The following CNOT10 variants were observed in gnomAD, a reference collection of about 807,000 sequenced individuals.
The protein encoded by CNOT10 is CCR4-NOT transcription complex subunit 10.
In CNOT10, 30 loss-of-function variants were observed where a neutral mutation model predicts 94.6. The ratio of observed to expected loss-of-function variants is 0.32; its 90% CI spans 0.24 to 0.43. The LOEUF is 0.43. Among genes scored for constraint, CNOT10 ranks in the 20% least tolerant of loss-of-function variants. The pLI, the probability that CNOT10 is intolerant of heterozygous loss-of-function variation, is 1.00. For synonymous variants in CNOT10, 289 were observed against 301.6 expected, an observed-to-expected ratio of 0.96 and a Z score of 0.43; for missense variants, 759 against 877.2, an observed-to-expected ratio of 0.87 and a Z score of 1.70.
intron 9 of CNOT10, 23 bp from the exon 10 acceptor site, chr3:32,727,645 T>C (rs1164537507): frequency 6.9e-7 from 1 of 1,439,094 alleles, no homozygotes; most frequent in South Asian, 1.1e-5. Flanking sequence ...AATGATGTAT[T>C]CTTATCTAAT....
intron 13 of CNOT10, among the ~76,000 whole-genome samples, chr3:32,754,855 G>T (rs1333199283): frequency 1.3e-5 from 2 of 149,658 alleles, no homozygotes; most frequent in African/African-American, 4.9e-5. Context: ...GCTACTCTGG[G>T]CATACTGCCT....
Position 32,716,280 on chromosome 3 carries a change from T to C in CNOT10, c.629T>C (p.Leu210Pro), listed in dbSNP as rs1417260176. Residue 210 changes from leucine (L) to proline (P), a missense_variant, in exon 6 of 19, where the codon CTA becomes CCA. Physicochemically the swap from Leu to Pro is moderately conservative, Grantham distance 98. This residue lies in a region of CNOT10 where 682 missense variants were observed against 799.4 expected (regional missense o/e 0.85). Coordinates refer to ENST00000328834, the MANE Select transcript of CNOT10 (RefSeq NM_015442.3). ...AATCATAAAGCTGAAAGTGGAGCTC[T>C]AATAGAAGCTGCAAAATCAAAGATA... ...GSNHKAESGA[L>P]IEAAKSKIHQ... 6.2e-7 allele frequency: 1 copy of C among 1,602,888 alleles called. No individual in the cohort carries two copies. The highest frequency in any genetic ancestry group is 8.5e-7 in the Non-Finnish European group (1 of 1,173,210).
chr3:32,758,830 C>T (rs6785966), intron 13 of CNOT10, among the ~76,000 whole-genome samples: 8,884 of 152,190 alleles, frequency 0.058, 283 homozygotes, highest in Middle Eastern at 0.088. Flanking sequence ...GTAACTTAAA[C>T]GTTGTCTTCA....
At chr3:32,757,378 C>T (rs536522874) in intron 13 of CNOT10, among the ~76,000 whole-genome samples, 4 of 151,862 alleles carry the variant, frequency 2.6e-5, no homozygotes, top group African/African-American at 7.2e-5. Flanking sequence ...GGGGTTTCTC[C>T]ATGTTGGTCA....
chr3:32,693,698 C>T (rs572277807), intron 1 of CNOT10, among the ~76,000 whole-genome samples: 5 of 151,908 alleles, frequency 3.3e-5, no homozygotes, highest in African/African-American at 9.7e-5. Context: ...TGCGCCACCA[C>T]GCCTGGCTAA....
chr3:32,713,569 C>CA (rs1697982212), intron 5 of CNOT10, among the ~76,000 whole-genome samples, 200 bp downstream of exon 5: 1 of 152,132 alleles, frequency 6.6e-6, no homozygotes. Context: ...TGAGTGTACT[C>CA]ACATTTGTAC....
At chr3:32,730,649 T>C (rs756836580) in intron 10 of CNOT10, 2 of 152,226 alleles carry the variant, frequency 1.3e-5, no homozygotes, top group Non-Finnish European at 2.9e-5. Context: ...ATAAAATTTG[T>C]TTTATTTAGT....
At chr3:32,752,539 T>C (rs940924574) in intron 13 of CNOT10, among the ~76,000 whole-genome samples, 2 of 152,246 alleles carry the variant, frequency 1.3e-5, no homozygotes, top group African/African-American at 4.8e-5. Context: ...AAAACTTCTT[T>C]AGCTTTTTGT....
intron 3 of CNOT10, among the ~76,000 whole-genome samples, chr3:32,706,925 T>C (rs550402246): frequency 6.6e-6 from 1 of 152,380 alleles, no homozygotes; most frequent in South Asian, 2.1e-4. Context: ...CATGTCAAGC[T>C]TAACCACGTG....
At chr3:32,719,745 A>G (rs1698286408) in intron 7 of CNOT10, among the ~76,000 whole-genome samples, 1 of 152,206 alleles carries the variant, frequency 6.6e-6, no homozygotes, top group Non-Finnish European at 1.5e-5. Context: ...AAAAAGTAAG[A>G]AAGATCACCA....
chr3:32,751,953 C>T lies in CNOT10; in HGVS notation c.1596-7505C>T, dbSNP rs890775595. On this transcript the variant is annotated intron_variant, in intron 13 of 18. Transcript: ENST00000328834. ...GATTCACATCTGCCTCCAAGGATCT[C>T]ATTTAGATGAACTGGTGATCAGATT... Among the ~76,000 whole-genome samples, 20 of 152,094 alleles carry T rather than the reference C, an allele frequency of 1.3e-4. 1 individual carries two copies. The highest frequency in any genetic ancestry group is 1.2e-3 in the Admixed American group (18 of 15,252).
chr3:32,769,136 A>G lies in CNOT10; in HGVS notation c.2005-751A>G, dbSNP rs1371317145. On this transcript the variant is annotated intron_variant, in intron 17 of 18. Transcript: ENST00000328834. ...GTTCAATAAGTATTTGTAGAAGTCT[A>G]TTATCTGATTAGATTAAGAGAAGAG... 3 of 152,266 alleles carry G rather than the reference A, an allele frequency of 2.0e-5. No homozygotes were observed. The East Asian group carries it at 5.8e-4, about 29-fold the overall frequency. The allele number at this position is 152,266 out of a possible 1,614,324, so 9.4% of individuals were successfully genotyped here.
intron 1 of CNOT10, among the ~76,000 whole-genome samples, chr3:32,694,211 T>TGGAGATCTCCA (rs1696961557): frequency 6.6e-6 from 1 of 151,986 alleles, no homozygotes; most frequent in South Asian, 2.1e-4. Context: ...AGTAACAAAC[T>TGGAGATCTCCA]GTAGAAATGA....
intron 13 of CNOT10, among the ~76,000 whole-genome samples, chr3:32,752,398 A>G (rs1700002966): frequency 6.6e-6 from 1 of 152,154 alleles, no homozygotes; most frequent in Non-Finnish European, 1.5e-5. Flanking sequence ...CTTTTCTATC[A>G]AATAAAGCAA....
chr3:32,748,453 T>C (rs188369849), intron 13 of CNOT10, among the ~76,000 whole-genome samples: 1 of 152,174 alleles, frequency 6.6e-6, no homozygotes, highest in Non-Finnish European at 1.5e-5. Flanking sequence ...AGACGATAGG[T>C]TTTTGAAATA....
chr3:32,717,216 A>C lies in CNOT10; in HGVS notation c.723A>C (p.Ser241=), dbSNP rs1698163023. 1 of 1,607,410 alleles carries C rather than the reference A, an allele frequency of 6.2e-7. No individual in the cohort carries two copies. Among genetic ancestry groups the C allele is most frequent in the South Asian group, 1.1e-5 (1 of 90,222 alleles). ...SLKACKREIK[S]VMNTAGNSAP... ...AAGCATGTAAAAGGGAAATCAAGTC[A>C]GTCATGAATACAGCTGGAAATGTAA... The change falls in exon 7 of 19, where the codon TCA becomes TCC. Residue 241 remains serine, a synonymous_variant. Transcript: ENST00000328834.
intron 7 of CNOT10, 122 bp downstream of exon 7, chr3:32,717,359 AT>A (rs1698168767): frequency 1.9e-6 from 1 of 536,644 alleles, no homozygotes; most frequent in Non-Finnish European, 3.2e-6. Flanking sequence ...GAACCTTGCT[AT>A]TTTAAAGTTG....
In CNOT10 at chr3:32,704,906, G is replaced by A. The variant is rs1433695069; in HGVS notation, c.213G>A (p.Glu71=). Residue 71 remains glutamate, a synonymous_variant, in exon 3 of 19, where the codon GAG becomes GAA. Transcript: ENST00000328834. ...YKIILNTAVA[E]FFKSNQTTTD... is the part of the protein sequence containing the mutation. Reference sequence around the variant, plus strand: ...TAATTTTGAATACAGCAGTAGCTGAGTTTTTTAAAAGTAACCAAACAACAA... The same window carrying A: ...TAATTTTGAATACAGCAGTAGCTGAATTTTTTAAAAGTAACCAAACAACAA... 7 of 1,567,658 alleles carry A rather than the reference G, an allele frequency of 4.5e-6. No homozygotes were observed. The highest frequency in any genetic ancestry group is 6.0e-6 in the Non-Finnish European group (7 of 1,165,956).
At chr3:32,705,393 G>A (rs1331316467) in intron 3 of CNOT10, among the ~76,000 whole-genome samples, 1 of 152,124 alleles carries the variant, frequency 6.6e-6, no homozygotes, top group Non-Finnish European at 1.5e-5. Flanking sequence ...CTTGAATTGG[G>A]GATTGGTCTG....
Sources: gnomAD v4.1 joint callset for allele counts (sites outside exome capture counted in the v4.1 genomes callset) on GRCh38, gnomAD v4.1.1 for gene constraint, gnomAD v4.1.1 regional missense constraint, MANE v1.5 for transcripts, NCBI Gene and HGNC (gene_info 2026-07-23, HGNC 2026-07-21) for gene names.